Variants in HDAC5 observed in about 807,000 individuals in gnomAD.
The protein encoded by HDAC5 is histone deacetylase 5.
A neutral mutation model predicts 133.3 loss-of-function variants in HDAC5; 25 were observed. That is an observed-to-expected ratio of 0.19 (90% CI 0.14 to 0.26). The LOEUF (loss-of-function observed/expected upper bound fraction) is 0.26. HDAC5 is among the 10% of genes least tolerant of loss of function. The probability of loss-of-function intolerance (pLI) is 1.00; values close to 1 mark genes in which losing one functional copy is unlikely to be tolerated. For missense variants in HDAC5, 1,041 were observed against 1,460.5 expected (o/e 0.71, Z 4.68); for synonymous variants, 589 against 610.8 (o/e 0.96, Z 0.53).
At chr17:44,123,038 A>G (rs1259228704) in intron 1 of HDAC5, among the ~76,000 whole-genome samples, 3 of 152,134 alleles carry the variant, frequency 2.0e-5, no homozygotes, top group Admixed American at 1.3e-4. Context: ...GTTCGTAGCT[A>G]TGGGGAGAAG....
Position 44,091,294 on chromosome 17 carries a change from G to A in HDAC5, c.1363C>T (p.Arg455Trp), listed in dbSNP as rs2050935796. Reference protein sequence around the residue: ...LQHVLLLEQARQQSTLIAVPL... With the variant: ...LQHVLLLEQAWQQSTLIAVPL... Reference sequence around the variant, plus strand: ...CCAGCAATGAGGGTGCTCTGCTGCCGGGCCTGCTCCAGCAACAGCACATGC... The same window carrying A: ...CCAGCAATGAGGGTGCTCTGCTGCCAGGCCTGCTCCAGCAACAGCACATGC... The change falls in exon 11 of 27, where the codon CGG becomes TGG. Residue 455 changes from arginine (R) to tryptophan (W), a missense_variant. Coordinates refer to ENST00000682912, the MANE Select transcript of HDAC5 (RefSeq NM_005474.5). The A allele has an allele frequency of 1.9e-6, 3 of 1,611,594 alleles. No individual in the cohort carries two copies. The highest frequency in any genetic ancestry group is 2.7e-5 in the African/African-American group (2 of 74,916).
chr17:44,078,264 A>G lies in HDAC5; in HGVS notation c.*112T>C. On this transcript the variant is annotated 3_prime_UTR_variant, in exon 27 of 27. Coordinates refer to ENST00000682912, the MANE Select transcript of HDAC5 (RefSeq NM_005474.5). ...GGCAGCGTAGAGGAGCAGGAGGGGCAAGGCTGAGAGACCCACACGGCACAC... is the reference window on the plus strand; with the variant it reads ...GGCAGCGTAGAGGAGCAGGAGGGGCGAGGCTGAGAGACCCACACGGCACAC... 8.5e-7 allele frequency: 1 copy of G among 1,176,506 alleles called. No homozygotes were observed. The highest frequency in any genetic ancestry group is 1.2e-6 in the Non-Finnish European group (1 of 862,258). 72.9% of individuals were successfully genotyped at this position (1,176,506 alleles called of 1,614,324 possible). A position where few individuals can be genotyped will look rare whatever the true frequency, so the allele number is the denominator to read the frequency against.
intron 16 of HDAC5, among the ~76,000 whole-genome samples, chr17:44,084,063 C>G (rs1176727534): frequency 6.6e-6 from 1 of 151,626 alleles, no homozygotes; most frequent in South Asian, 2.1e-4. Context: ...AGACAGAGGT[C>G]GCAGTGAGCT....
At position 44,092,728 on chromosome 17, in the gene HDAC5, C is replaced by A; in HGVS notation, c.720G>T (p.Leu240=). Residue 240 remains leucine, a synonymous_variant, in exon 7 of 27, where the codon CTG becomes CTT. Transcript: ENST00000682912. Reference sequence around the variant, plus strand: ...GACTGTCGTAGGGCCCAGGCAAAGGCAGTTTGTAGGAGGGAGGCGTCCCAG... The same window carrying A: ...GACTGTCGTAGGGCCCAGGCAAAGGAAGTTTGTAGGAGGGAGGCGTCCCAG... ...GPPGTPPSYK[L]PLPGPYDSRD... The A allele has an allele frequency of 1.4e-6, 2 of 1,433,822 alleles. No individual in the cohort carries two copies. The highest frequency in any genetic ancestry group is 1.8e-6 in the Non-Finnish European group (2 of 1,087,128). 88.8% of individuals were successfully genotyped at this position (1,433,822 alleles called of 1,614,324 possible). A position where few individuals can be genotyped will look rare whatever the true frequency, so the allele number is the denominator to read the frequency against.
At chr17:44,118,063 T>C (rs1447600273) in intron 1 of HDAC5, among the ~76,000 whole-genome samples, 1 of 152,158 alleles carries the variant, frequency 6.6e-6, no homozygotes, top group Non-Finnish European at 1.5e-5. Context: ...TCTGTATCCA[T>C]AGCAGTGGGG....
chr17:44,109,036 G>T (rs2052172236), intron 3 of HDAC5, among the ~76,000 whole-genome samples: 2 of 152,264 alleles, frequency 1.3e-5, no homozygotes, highest in South Asian at 4.1e-4. Context: ...GGGAGGAGAT[G>T]AGAGAGCAGG....
chr17:44,083,650 C>T lies in HDAC5; in HGVS notation c.2358G>A (p.Val786=). Residue 786 remains valine (V), a splice_region_variant and synonymous_variant, in exon 18 of 27, where the codon GTG becomes GTA. Coordinates refer to ENST00000682912, the MANE Select transcript of HDAC5 (RefSeq NM_005474.5). ...YAVLPCGGIG[V]DSDTVWNEMH... ...TCTCATTCCACACGGTGTCACTGTC[C>T]ACCTGCAGGGCAGGAGAGCAGGTTT... 1 of 1,613,340 alleles carries T rather than the reference C, an allele frequency of 6.2e-7. No homozygotes were observed. The highest frequency in any genetic ancestry group is 8.5e-7 in the Non-Finnish European group (1 of 1,179,322).
At chr17:44,103,711 CTTTTT>C (rs746802870) in intron 3 of HDAC5, among the ~76,000 whole-genome samples, 1 of 141,432 alleles carries the variant, frequency 7.1e-6, no homozygotes, top group South Asian at 2.2e-4. Context: ...ATGGTTTTTT[CTTTTT>C]TTTTTTTTTG....
At position 44,092,178 on chromosome 17, in the gene HDAC5, G is replaced by C. The variant is rs755343104; in HGVS notation, c.1026C>G (p.Pro342=). Residue 342 remains proline, a synonymous_variant, in exon 9 of 27, where the codon CCC becomes CCG. Coordinates refer to ENST00000682912, the MANE Select transcript of HDAC5 (RefSeq NM_005474.5). ...NGFTGSVPNI[P]TEMLPQHRAL... ...CCCCCAGCCAGGCCTGTACCTCAGTGGGGATGTTGGGGACTGAGCCAGTAA... is the reference window on the plus strand; with the variant it reads ...CCCCCAGCCAGGCCTGTACCTCAGTCGGGATGTTGGGGACTGAGCCAGTAA... The C allele has an allele frequency of 7.4e-6, 12 of 1,613,394 alleles. No individual in the cohort carries two copies. In the East Asian group the frequency reaches 2.5e-4, roughly 33 times the overall value.
chr17:44,087,442 G>T lies in HDAC5; in HGVS notation c.1854C>A (p.Asp618Glu). The change falls in exon 13 of 27, where the codon GAC becomes GAA. Residue 618 changes from aspartate to glutamate, a missense_variant. By Grantham distance (45) the Asp-to-Glu change is conservative. Coordinates refer to ENST00000682912, the MANE Select transcript of HDAC5 (RefSeq NM_005474.5). ...TGTATCCAGCACCAGGCTCCTCCAA[G>T]TCGGGCCCCTCCTCAGCACCACTCT... ...EGESGAEEGP[D>E]LEEPGAGYKK... 1.6e-6 allele frequency: 2 copies of T among 1,266,884 alleles called. No homozygotes were observed. Among genetic ancestry groups the T allele is most frequent in the Non-Finnish European group, 2.3e-6 (2 of 863,616 alleles). The allele number at this position is 1,266,884 out of a possible 1,614,324, so 78.5% of individuals were successfully genotyped here.
intron 3 of HDAC5, among the ~76,000 whole-genome samples, chr17:44,103,562 G>GA (rs1473525815): frequency 6.6e-6 from 1 of 152,156 alleles, no homozygotes; most frequent in African/African-American, 2.4e-5. Context: ...AGGCTCGGGA[G>GA]AATGTACGCG....
chr17:44,110,384 G>T (rs1368977884), intron 3 of HDAC5, among the ~76,000 whole-genome samples: 1 of 152,186 alleles, frequency 6.6e-6, no homozygotes, highest in Non-Finnish European at 1.5e-5. Context: ...CAGCATGGAG[G>T]CGGGTCACTG....
At chr17:44,079,005 G>A (rs1004156482) in intron 24 of HDAC5, 126 bp from the exon 25 acceptor site, 15 of 1,496,140 alleles carry the variant, frequency 1.0e-5, no homozygotes, top group East Asian at 6.9e-5. Flanking sequence ...TTGGACAAAC[G>A]CATACTCAGA....
chr17:44,078,518 G>A lies in HDAC5; in HGVS notation c.3311C>T (p.Ala1104Val). Residue 1104 changes from alanine (A) to valine (V), a missense_variant, in exon 26 of 27, where the codon GCC (alanine) becomes GTC (valine). This residue lies in a region of HDAC5 where 95 missense variants were observed against 107.3 expected (regional missense o/e 0.88). Transcript: ENST00000682912. ...VGAEQAQAAA[A>V]REHSPRPAEE... ...TGCTTACCTGGGGCTGTGTTCCCGG[G>A]CTGCCGCAGCCTGGGCCTGCTCGGC... The A allele has an allele frequency of 6.2e-7, 1 of 1,610,178 alleles. No individual in the cohort carries two copies.
chr17:44,099,625 C>G (rs1202761773), intron 3 of HDAC5, among the ~76,000 whole-genome samples: 1 of 152,098 alleles, frequency 6.6e-6, no homozygotes, highest in African/African-American at 2.4e-5. Flanking sequence ...CAGGCACCCG[C>G]CACCACGCCC....
rs375563359 is a variant in HDAC5 at position 44,092,537 on chromosome 17, A to G, written c.773-10T>C. On this transcript the variant is annotated splice_polypyrimidine_tract_variant and intron_variant, in intron 7 of 26. Transcript: ENST00000682912. ...AAGTTGGGTTCAGAGGCTGGAGAGA[A>G]GGTAACCGAGGTTCAGATACGCGCA... 3 of 1,610,226 alleles carry G rather than the reference A, an allele frequency of 1.9e-6. No individual in the cohort carries two copies. The African/African-American group carries it at 4.0e-5, about 22-fold the overall frequency.
At position 44,093,400 on chromosome 17, in the gene HDAC5, CGCTGCCGCTGCTGCTCCAGCTCCT is replaced by C. The variant is rs2051064296; in HGVS notation, c.416_439del (p.Gln139_Gln146del). 1.3e-6 allele frequency: 2 copies of C among 1,590,828 alleles called. No individual in the cohort carries two copies. Among genetic ancestry groups the C allele is most frequent in the African/African-American group, 1.3e-5 (1 of 74,694 alleles). On this transcript the variant is annotated inframe_deletion, in exon 5 of 27. Transcript: ENST00000682912. ...CAGCTCTTCCTGCCGCTGCTGCTCCCGCTGCCGCTGCTGCTCCAGCTCCTGCTGCCGCTTGGCTGCCAGCATCTC... is the reference window on the plus strand; with the variant it reads ...CAGCTCTTCCTGCCGCTGCTGCTCCCGCTGCCGCTTGGCTGCCAGCATCTC...
At chr17:44,118,413 A>C (rs2052782689) in intron 1 of HDAC5, among the ~76,000 whole-genome samples, 1 of 152,180 alleles carries the variant, frequency 6.6e-6, no homozygotes, top group African/African-American at 2.4e-5. Context: ...GGAGATACGA[A>C]ATCCAGCCTG....
At chr17:44,083,039 C>T (rs540299200) in intron 18 of HDAC5, among the ~76,000 whole-genome samples, 38 of 152,170 alleles carry the variant, frequency 2.5e-4, no homozygotes, top group Admixed American at 3.9e-4. Context: ...AGTGCAGTGG[C>T]GCGATCATGG....
Sources: allele counts gnomAD v4.1 joint callset (sites outside exome capture counted in the v4.1 genomes callset), GRCh38; gene constraint gnomAD v4.1.1; regional missense constraint gnomAD v4.1.1; transcripts MANE v1.5; gene names NCBI Gene and HGNC (gene_info 2026-07-23, HGNC 2026-07-21).